Variants in GABRA4 observed in about 807,000 individuals in gnomAD.
GABRA4 encodes gamma-aminobutyric acid type A receptor subunit alpha4.
Under a neutral mutation model 49.7 loss-of-function variants are expected in GABRA4, and 12 were observed. The observed-to-expected ratio is 0.24, with a 90% CI of 0.15 to 0.39. The LOEUF is 0.39. GABRA4 is among the 10% of genes least tolerant of loss of function. The probability of loss-of-function intolerance (pLI) is 1.00; values close to 1 mark genes in which losing one functional copy is unlikely to be tolerated. For missense variants in GABRA4, 506 were observed against 686.0 expected (o/e 0.74, Z 2.93); for synonymous variants, 288 against 240.2 (o/e 1.20, Z -1.84).
At chr4:46,969,114 G>T (rs979974871) in intron 7 of GABRA4, among the ~76,000 whole-genome samples, 1 of 151,520 alleles carries the variant, frequency 6.6e-6, no homozygotes, top group Non-Finnish European at 1.5e-5. Flanking sequence ...ACTTATTGAA[G>T]GTCCACAGCT....
At chr4:46,941,961 C>T (rs188415487) in intron 8 of GABRA4, among the ~76,000 whole-genome samples, 55 of 152,218 alleles carry the variant, frequency 3.6e-4, no homozygotes, top group African/African-American at 1.3e-3. Flanking sequence ...AAAATATTTG[C>T]ACTTACTCAA....
intron 2 of GABRA4, among the ~76,000 whole-genome samples, chr4:46,988,202 T>C (rs867053466): frequency 6.6e-5 from 10 of 152,254 alleles, no homozygotes; most frequent in South Asian, 2.1e-4. Flanking sequence ...CCATTTTTTT[T>C]CCCTTTTAGC....
chr4:46,954,430 G>A (rs530960458), intron 8 of GABRA4, among the ~76,000 whole-genome samples: 24 of 151,812 alleles, frequency 1.6e-4, no homozygotes, highest in Non-Finnish European at 3.1e-4. Context: ...TGTGGCAGGC[G>A]CCTGTAATCC....
chr4:46,988,834 C>A (rs1347728730), intron 2 of GABRA4, among the ~76,000 whole-genome samples: 1 of 152,080 alleles, frequency 6.6e-6, no homozygotes, highest in African/African-American at 2.4e-5. Context: ...AAACCAGCTG[C>A]CTGACTAAGG....
chr4:46,979,848 G>A (rs765466515), intron 2 of GABRA4, among the ~76,000 whole-genome samples: 5 of 152,208 alleles, frequency 3.3e-5, no homozygotes, highest in South Asian at 4.1e-4. Flanking sequence ...CCACTACTGA[G>A]ACTGTTTCCC....
intron 5 of GABRA4, among the ~76,000 whole-genome samples, chr4:46,975,044 C>G (rs900516555): frequency 6.6e-6 from 1 of 151,960 alleles, no homozygotes; most frequent in African/African-American, 2.4e-5. Flanking sequence ...ACAAATCTCT[C>G]CCGGTGGCAA....
chr4:46,950,308 C>G (rs1722126391), intron 8 of GABRA4, among the ~76,000 whole-genome samples: 1 of 152,070 alleles, frequency 6.6e-6, no homozygotes, highest in South Asian at 2.1e-4. Flanking sequence ...CCCAGGCACA[C>G]AAAGTACGGC....
In GABRA4 at chr4:46,919,703, G is replaced by C. The variant is rs1720903612; in HGVS notation, c.*8522C>G. On this transcript the variant is annotated 3_prime_UTR_variant, in exon 9 of 9. Coordinates refer to ENST00000264318, the MANE Select transcript of GABRA4 (RefSeq NM_000809.4). The stretch of plus-strand genomic sequence containing the variant: ...GAATGGACTTCATATTCCTCAGTTT[G>C]TACAACACTTCAGCTGAGAAATCAA... 1 of 151,546 alleles carries C rather than the reference G, an allele frequency of 6.6e-6. No individual in the cohort carries two copies. The highest frequency in any genetic ancestry group is 1.5e-5 in the Non-Finnish European group (1 of 67,580). 9.4% of individuals were successfully genotyped at this position (151,546 alleles called of 1,614,324 possible). A position where few individuals can be genotyped will look rare whatever the true frequency, so the allele number is the denominator to read the frequency against.
chr4:46,985,268 A>T (rs1379177079), intron 2 of GABRA4, among the ~76,000 whole-genome samples: 1 of 152,108 alleles, frequency 6.6e-6, no homozygotes, highest in African/African-American at 2.4e-5. Flanking sequence ...AAATAATTTT[A>T]AAAGGACTTA....
intron 8 of GABRA4, among the ~76,000 whole-genome samples, chr4:46,932,604 T>C (rs1050542205): frequency 1.3e-5 from 2 of 152,108 alleles, no homozygotes; most frequent in Non-Finnish European, 2.9e-5. Context: ...TTTACTTGAG[T>C]TTGATTTTGC....
intron 8 of GABRA4, among the ~76,000 whole-genome samples, chr4:46,950,970 C>A (rs1037020996): frequency 6.6e-5 from 10 of 151,880 alleles, no homozygotes; most frequent in African/African-American, 2.4e-4. Flanking sequence ...CCCAGGTATC[C>A]CTGACCAGCA....
chr4:46,991,260 A>T (rs1723734142), intron 2 of GABRA4, among the ~76,000 whole-genome samples: 1 of 152,138 alleles, frequency 6.6e-6, no homozygotes, highest in Non-Finnish European at 1.5e-5. Flanking sequence ...CATAAAATCC[A>T]AGAAAATAAT....
In GABRA4 at chr4:46,993,371, G is replaced by A. The variant is rs1191157565; in HGVS notation, c.54C>T (p.Phe18=). 1 of 1,614,238 alleles carries A rather than the reference G, an allele frequency of 6.2e-7. No individual in the cohort carries two copies. Among genetic ancestry groups the A allele is most frequent in the Non-Finnish European group, 8.5e-7 (1 of 1,180,040 alleles). Residue 18 remains phenylalanine (F), a synonymous_variant, in exon 1 of 9, where the codon TTC becomes TTT. Transcript: ENST00000264318. ...PAIALSAGVS[F]ALLRFLCLAV... is the part of the protein sequence containing the mutation. The stretch of plus-strand genomic sequence containing the variant: ...CCAGGCACAGGAAGCGCAGGAGGGC[G>A]AAACTGACCCCGGCGGACAGAGCGA...
At chr4:46,984,777 T>C (rs1723477094) in intron 2 of GABRA4, among the ~76,000 whole-genome samples, 1 of 151,984 alleles carries the variant, frequency 6.6e-6, no homozygotes, top group Non-Finnish European at 1.5e-5. Context: ...TCAAGATATA[T>C]ATATCTTGTG....
rs73145008 is a variant in GABRA4, at chr4:46,933,520, C to G, written c.1135-4765G>C. On this transcript the variant is annotated intron_variant, in intron 8 of 8. Coordinates refer to ENST00000264318, the MANE Select transcript of GABRA4 (RefSeq NM_000809.4). ...GATTTGAGGCTTAAATCATTGCTCT[C>G]TGCCAAGCAGTTAAATGACACTCAA... Among the ~76,000 whole-genome samples the G allele has an allele frequency of 2.9e-3, 447 of 152,282 alleles. 1 individual carries two copies. Among genetic ancestry groups the G allele is most frequent in the African/African-American group, 9.6e-3 (401 of 41,578 alleles).
intron 2 of GABRA4, chr4:46,992,617 A>G: frequency 1.8e-6 from 1 of 571,136 alleles, no homozygotes; most frequent in Non-Finnish European, 3.1e-6. Context: ...TGTGGGGGAG[A>G]GGCAAAGCTT....
intron 2 of GABRA4, among the ~76,000 whole-genome samples, chr4:46,982,703 G>A (rs2109400748): frequency 6.6e-6 from 1 of 152,196 alleles, no homozygotes; most frequent in Admixed American, 6.6e-5. Flanking sequence ...GGAGGCCACT[G>A]AGGGTTTGAA....
intron 7 of GABRA4, among the ~76,000 whole-genome samples, chr4:46,970,114 C>T (rs16859794): frequency 0.52 from 78,581 of 151,052 alleles, 20,748 homozygotes; most frequent in East Asian, 0.7. Flanking sequence ...GACACTAAGA[C>T]ACCCTAATCA....
At chr4:46,945,444 T>A (rs1721951014) in intron 8 of GABRA4, among the ~76,000 whole-genome samples, 2 of 152,122 alleles carry the variant, frequency 1.3e-5, no homozygotes, top group African/African-American at 4.8e-5. Context: ...TCAAACTGCT[T>A]GGGACATGTA....
Sources: allele counts gnomAD v4.1 joint callset (sites outside exome capture counted in the v4.1 genomes callset), GRCh38; gene constraint gnomAD v4.1.1; transcripts MANE v1.5; gene names NCBI Gene and HGNC (gene_info 2026-07-23, HGNC 2026-07-21).